The following WDR64 variants were observed in gnomAD, a reference collection of about 807,000 sequenced individuals.
WDR64 encodes the protein WD repeat-containing protein 64.
In WDR64, 112 loss-of-function variants were observed where a neutral mutation model predicts 139.3. The observed-to-expected ratio is 0.80, with a 90% CI of 0.69 to 0.94. WDR64 has a LOEUF of 0.94. WDR64 is among the 40% of genes least tolerant of loss of function. The pLI is 0.00. For missense variants in WDR64, 1,206 were observed against 1,293.1 expected, an observed-to-expected ratio of 0.93 and a Z score of 1.03; for synonymous variants, 444 against 437.7, an observed-to-expected ratio of 1.01 and a Z score of -0.18.
At chr1:241,681,770 T>C (rs1029489006) in intron 6 of WDR64, among the ~76,000 whole-genome samples, 6 of 152,198 alleles carry the variant, frequency 3.9e-5, no homozygotes, top group Non-Finnish European at 7.4e-5. Context: ...TTTCACTGCA[T>C]CCACACCAAC....
In WDR64 at chr1:241,801,781, G is replaced by A. The variant is rs1012138878; in HGVS notation, c.*566G>A. The stretch of plus-strand genomic sequence containing the variant: ...CTGACTCCAGATAAATATAAAAGAC[G>A]GCAAAGAAAGGAAGAAAAATGGGTC... On this transcript the variant is annotated 3_prime_UTR_variant, in exon 28 of 28. Transcript: ENST00000437684. 10 of 397,824 alleles carry A rather than the reference G, an allele frequency of 2.5e-5. No homozygotes were observed. The highest frequency in any genetic ancestry group is 6.2e-5 in the African/African-American group (3 of 48,456). The allele number at this position is 397,824 out of a possible 1,614,324, so 24.6% of individuals were successfully genotyped here.
At chr1:241,711,575 C>G (rs1332992670) in intron 8 of WDR64, among the ~76,000 whole-genome samples, 3 of 152,130 alleles carry the variant, frequency 2.0e-5, no homozygotes, top group African/African-American at 7.2e-5. Flanking sequence ...GCTGGATTTT[C>G]TTTTAAACAG....
In WDR64 at chr1:241,738,461, T is replaced by C. The variant is rs755474643; in HGVS notation, c.1293T>C (p.Tyr431=). The C allele has an allele frequency of 6.2e-6, 10 of 1,613,276 alleles. 1 individual carries two copies. The South Asian group carries it at 1.1e-4, about 18-fold the overall frequency. ...PGDMQIYSMI[Y]DANHGMLITG... ...ACATGCAGATTTACTCTATGATATATGATGCCAATCATGGCATGCTTATTA... is the reference window on the plus strand; with the variant it reads ...ACATGCAGATTTACTCTATGATATACGATGCCAATCATGGCATGCTTATTA... The change falls in exon 11 of 28, where the codon TAT becomes TAC. Residue 431 remains tyrosine (Y), a synonymous_variant. Coordinates refer to ENST00000437684, the MANE Select transcript of WDR64 (RefSeq NM_001367482.1).
chr1:241,751,086 T>G (rs1669963090), intron 14 of WDR64, among the ~76,000 whole-genome samples: 1 of 152,218 alleles, frequency 6.6e-6, no homozygotes, highest in Non-Finnish European at 1.5e-5. Flanking sequence ...TTCATTCATT[T>G]TTTTCAATGA....
chr1:241,778,408 T>G (rs1658738865), intron 21 of WDR64, among the ~76,000 whole-genome samples: 1 of 152,222 alleles, frequency 6.6e-6, no homozygotes, highest in East Asian at 1.9e-4. Flanking sequence ...AAGTAGGTTT[T>G]TATACACAAC....
Position 241,741,587 on chromosome 1 carries a change from G to A in WDR64, c.1393G>A (p.Glu465Lys). 6.2e-7 allele frequency: 1 copy of A among 1,613,500 alleles called. No individual in the cohort carries two copies. The highest frequency in any genetic ancestry group is 1.7e-5 in the Admixed American group (1 of 59,976). Reference sequence around the variant, plus strand: ...TACAAAACAGGTTCCTCACACTCATGAACGAGAAATCAATGTCATGCTTTA... The same window carrying A: ...TACAAAACAGGTTCCTCACACTCATAAACGAGAAATCAATGTCATGCTTTA... The part of the protein sequence containing the change: ...QDTKQVPHTH[E>K]REINVMLYNK... The change falls in exon 12 of 28, where the codon GAA becomes AAA. Residue 465 changes from glutamate to lysine, a missense_variant. By Grantham distance (56) the Glu-to-Lys change is moderately conservative (BLOSUM62 1). Coordinates refer to ENST00000437684, the MANE Select transcript of WDR64 (RefSeq NM_001367482.1).
chr1:241,695,499 T>C (rs1477444778), intron 8 of WDR64, among the ~76,000 whole-genome samples: 2 of 152,182 alleles, frequency 1.3e-5, no homozygotes, highest in African/African-American at 4.8e-5. Context: ...GGATGATAAT[T>C]ATCAATGCAA....
intron 10 of WDR64, among the ~76,000 whole-genome samples, chr1:241,730,696 A>G (rs1436121423): frequency 6.6e-6 from 1 of 152,174 alleles, no homozygotes; most frequent in Non-Finnish European, 1.5e-5. Flanking sequence ...TAATATGTCA[A>G]CCAATATATG....
At chr1:241,671,770 A>G (rs1028390822) in intron 3 of WDR64, among the ~76,000 whole-genome samples, 2 of 152,020 alleles carry the variant, frequency 1.3e-5, no homozygotes, top group Admixed American at 1.3e-4. Flanking sequence ...TCTTCCCTCC[A>G]TGGTGGGAGG....
At chr1:241,731,090 A>T (rs1176861726) in intron 10 of WDR64, among the ~76,000 whole-genome samples, 1 of 152,280 alleles carries the variant, frequency 6.6e-6, no homozygotes, top group South Asian at 2.1e-4. Context: ...TTACAAAAAT[A>T]TATGTGCAAA....
At position 241,685,009 on chromosome 1, in the gene WDR64, G is replaced by A. The variant is rs868010454; in HGVS notation, c.839+1308G>A. ...CCTGACTTTGTGATCTGCCCGCCTC[G>A]GCCTCCCAAAGTGCTGGTATTATAG... is the stretch of plus-strand genomic sequence containing the variant. On this transcript the variant is annotated intron_variant, in intron 7 of 27. Transcript: ENST00000437684. Among the ~76,000 whole-genome samples the A allele has an allele frequency of 1.8e-4, 28 of 151,970 alleles. No homozygotes were observed. In the Middle Eastern group the frequency reaches 0.01, roughly 55 times the overall value.
At chr1:241,795,355 C>G (rs1659334400) in intron 26 of WDR64, 68 bp downstream of exon 26, 1 of 1,405,228 alleles carries the variant, frequency 7.1e-7, no homozygotes, top group South Asian at 1.3e-5. Flanking sequence ...CATTCCTGAC[C>G]CTGGGCTACC....
chr1:241,771,766 G>A, intron 19 of WDR64, 69 bp downstream of exon 19: 2 of 1,036,906 alleles, frequency 1.9e-6, no homozygotes, highest in Middle Eastern at 2.2e-4. Context: ...TTAGGTGACA[G>A]AGTATTCTTA....
chr1:241,739,554 C>T (rs1669454785), intron 11 of WDR64, among the ~76,000 whole-genome samples: 1 of 152,214 alleles, frequency 6.6e-6, no homozygotes, highest in South Asian at 2.1e-4. Context: ...TGTTTTACCT[C>T]CTCTAAAAGG....
chr1:241,785,136 C>G (rs896045109), intron 23 of WDR64, among the ~76,000 whole-genome samples: 3 of 152,036 alleles, frequency 2.0e-5, no homozygotes, highest in African/African-American at 7.2e-5. Flanking sequence ...CACACACAGA[C>G]GCACACACAT....
chr1:241,661,582 G>T (rs888512859), intron 2 of WDR64, among the ~76,000 whole-genome samples: 3 of 152,148 alleles, frequency 2.0e-5, no homozygotes, highest in South Asian at 4.1e-4. Context: ...ACACTGAATT[G>T]AACATAGACA....
intron 2 of WDR64, 80 bp downstream of exon 2, chr1:241,660,740 T>G (rs1665800293): frequency 2.1e-5 from 31 of 1,483,454 alleles, no homozygotes; most frequent in Non-Finnish European, 2.6e-5. Flanking sequence ...AACAAAGTGT[T>G]ACTGCCACAG....
At chr1:241,698,537 C>T (rs1183369212) in intron 8 of WDR64, among the ~76,000 whole-genome samples, 8 of 152,144 alleles carry the variant, frequency 5.3e-5, no homozygotes, top group African/African-American at 7.2e-5. Context: ...CATGATCTGG[C>T]GCCCAGCATA....
chr1:241,674,510 C>T, intron 3 of WDR64, 134 bp from the exon 4 acceptor site: 1 of 562,164 alleles, frequency 1.8e-6, no homozygotes, highest in East Asian at 3.2e-5. Context: ...CTTCCTTAGC[C>T]TCTCAAAATT....
Sources: gnomAD v4.1 joint callset for allele counts (sites outside exome capture counted in the v4.1 genomes callset) on GRCh38, gnomAD v4.1.1 for gene constraint, MANE v1.5 for transcripts, NCBI Gene and HGNC (gene_info 2026-07-23, HGNC 2026-07-21) for gene names.